SH3BP4: variants seen among roughly 807,000 people sequenced by gnomAD.
SH3BP4 encodes the protein SH3 domain-binding protein 4.
Under a neutral mutation model 65.5 loss-of-function variants are expected in SH3BP4, and 33 were observed. The observed-to-expected ratio is 0.50, with a 90% CI of 0.38 to 0.67. SH3BP4 has a LOEUF of 0.67. Ranked by LOEUF, SH3BP4 falls within the 30% of genes least tolerant of loss-of-function variation. The pLI is 0.00. For missense variants in SH3BP4, 1,134 were observed against 1,261.4 expected (o/e 0.90, Z 1.53); for synonymous variants, 552 against 545.5 (o/e 1.01, Z -0.17).
Position 235,015,539 on chromosome 2 carries a change from G to C in SH3BP4, c.-132-19332G>C, listed in dbSNP as rs141670164. On this transcript the variant is annotated intron_variant, in intron 2 of 5. Coordinates refer to ENST00000392011, the MANE Select transcript of SH3BP4 (RefSeq NM_014521.3). ...CTTAGGCATGACTGCAGGGCTCTGT[G>C]GGGAATGCAAGGATGGTTTGAGTCC... 7.4e-3 allele frequency among the ~76,000 whole-genome samples: 1,128 copies of C among 152,334 alleles called. 11 individuals are homozygous for C. The highest frequency in any genetic ancestry group is 0.024 in the African/African-American group (980 of 41,574).
At chr2:234,961,445 T>C (rs1277328921) in intron 1 of SH3BP4, among the ~76,000 whole-genome samples, 1 of 152,114 alleles carries the variant, frequency 6.6e-6, no homozygotes. Flanking sequence ...CTAATTTTTG[T>C]ATTTTTAGTA....
intron 1 of SH3BP4, among the ~76,000 whole-genome samples, chr2:234,993,360 T>C (rs991388474): frequency 1.3e-5 from 2 of 152,164 alleles, no homozygotes; most frequent in African/African-American, 4.8e-5. Flanking sequence ...TATGACGGCT[T>C]GCGATGGACC....
intron 2 of SH3BP4, among the ~76,000 whole-genome samples, chr2:235,009,322 A>G (rs1388530316): frequency 3.3e-5 from 5 of 152,156 alleles, no homozygotes; most frequent in Admixed American, 6.5e-5. Flanking sequence ...CCAAGGAACA[A>G]AACTCAGAGG....
In SH3BP4 at chr2:235,043,739, T is replaced by A. The variant is rs377540494; in HGVS notation, c.2478+492T>A. On this transcript the variant is annotated intron_variant, in intron 4 of 5. Transcript: ENST00000392011. ...GTGCGGCTCAGCACAGCCTTTCGCCTTCCCAATATGCGTGGGCGTGGGCCG... is the reference window on the plus strand; with the variant it reads ...GTGCGGCTCAGCACAGCCTTTCGCCATCCCAATATGCGTGGGCGTGGGCCG... 4.1e-5 allele frequency among the ~76,000 whole-genome samples: 6 copies of A among 144,976 alleles called. No homozygotes were observed. In the South Asian group the frequency reaches 1.4e-3, roughly 33 times the overall value.
At chr2:235,036,759 GA>G (rs1001952808) in intron 3 of SH3BP4, among the ~76,000 whole-genome samples, 1 of 64,484 alleles carries the variant, frequency 1.6e-5, no homozygotes, top group Non-Finnish European at 2.6e-5. Flanking sequence ...TAATAATAAT[GA>G]CAGTGCTCTG....
intron 1 of SH3BP4, among the ~76,000 whole-genome samples, chr2:234,989,419 A>G (rs910599553): frequency 6.6e-6 from 1 of 152,092 alleles, no homozygotes; most frequent in Non-Finnish European, 1.5e-5. Context: ...CTCCTACCCT[A>G]GCTGGTCTCT....
At chr2:234,954,921 A>G (rs904561258) in intron 1 of SH3BP4, among the ~76,000 whole-genome samples, 2 of 152,162 alleles carry the variant, frequency 1.3e-5, no homozygotes, top group Admixed American at 6.5e-5. Flanking sequence ...CCCTGGCTCC[A>G]GGCAGACCTC....
At chr2:235,032,335 G>T (rs952852412) in intron 2 of SH3BP4, among the ~76,000 whole-genome samples, 1 of 152,232 alleles carries the variant, frequency 6.6e-6, no homozygotes, top group Admixed American at 6.5e-5. Context: ...CACGTGAAAG[G>T]CCACATGGCA....
At chr2:234,970,548 ACT>A (rs774083934) in intron 1 of SH3BP4, among the ~76,000 whole-genome samples, 17 of 152,282 alleles carry the variant, frequency 1.1e-4, no homozygotes, top group Non-Finnish European at 2.2e-4. Flanking sequence ...GGTGTGCATA[ACT>A]CTTTTTATTG....
chr2:234,964,827 A>G (rs1261545237), intron 1 of SH3BP4, among the ~76,000 whole-genome samples: 3 of 152,096 alleles, frequency 2.0e-5, no homozygotes, highest in Non-Finnish European at 4.4e-5. Context: ...TAGACGTGTA[A>G]GCGTGACTTG....
chr2:234,975,694 G>A (rs1427370823), intron 1 of SH3BP4, among the ~76,000 whole-genome samples: 1 of 152,068 alleles, frequency 6.6e-6, no homozygotes, highest in Non-Finnish European at 1.5e-5. Context: ...TGAGCAACAT[G>A]GTGAAACCCC....
intron 1 of SH3BP4, among the ~76,000 whole-genome samples, chr2:234,982,830 C>G (rs1055996186): frequency 6.6e-6 from 1 of 151,624 alleles, no homozygotes; most frequent in Non-Finnish European, 1.5e-5. Flanking sequence ...GCAGAGAACC[C>G]CGAAATGGGG....
At position 235,034,660 on chromosome 2, in the gene SH3BP4, G is replaced by A. The variant is rs948576754; in HGVS notation, c.-132-211G>A. Among the ~76,000 whole-genome samples the A allele has an allele frequency of 1.3e-5, 2 of 152,226 alleles. No individual in the cohort carries two copies. The highest frequency in any genetic ancestry group is 2.4e-5 in the African/African-American group (1 of 41,468). ...GGCCAGAAAACACTGCTTGGGCTGT[G>A]TGTGCCCAGTGTGCCAATGAGACAA... On this transcript the variant is annotated intron_variant, in intron 2 of 5. Transcript: ENST00000392011. The surrounding 1 kb of genome is among the most constrained non-coding windows in gnomAD (Gnocchi z 6.2).
chr2:235,017,845 C>T (rs1056456642), intron 2 of SH3BP4, among the ~76,000 whole-genome samples: 1 of 152,058 alleles, frequency 6.6e-6, no homozygotes, highest in Non-Finnish European at 1.5e-5. Context: ...TTAGGTTGAA[C>T]GACATCAAAT....
At chr2:235,003,579 G>T (rs985501639) in intron 2 of SH3BP4, among the ~76,000 whole-genome samples, 1 of 152,216 alleles carries the variant, frequency 6.6e-6, no homozygotes, top group African/African-American at 2.4e-5. Flanking sequence ...GGGGTGGAGG[G>T]GGTCAAATCT....
At position 235,046,949 on chromosome 2, in the gene SH3BP4, G is replaced by A. The variant is rs1431921329; in HGVS notation, c.2478+3702G>A. Among the ~76,000 whole-genome samples the A allele has an allele frequency of 2.0e-5, 3 of 152,280 alleles. No individual in the cohort carries two copies. The highest frequency in any genetic ancestry group is 1.9e-4 in the East Asian group (1 of 5,178). ...GCCCCTTCCCAGCAGCATGGCTGTGGCTGCACTCAGAGCACCCCTCTGTCC... is the reference window on the plus strand; with the variant it reads ...GCCCCTTCCCAGCAGCATGGCTGTGACTGCACTCAGAGCACCCCTCTGTCC... On this transcript the variant is annotated intron_variant, in intron 4 of 5. Transcript: ENST00000392011. This position sits in a 1 kb window ranked among gnomAD's most constrained non-coding sequence, Gnocchi z 4.2.
At position 235,041,588 on chromosome 2, in the gene SH3BP4, C is replaced by T. The variant is rs1301850300; in HGVS notation, c.819C>T (p.Ala273=). The change falls in exon 4 of 6, where the codon GCC becomes GCT. Residue 273 remains alanine (A), a synonymous_variant. Coordinates refer to ENST00000392011, the MANE Select transcript of SH3BP4 (RefSeq NM_014521.3). This position sits in a 1 kb window ranked among gnomAD's most constrained non-coding sequence, Gnocchi z 6.0. ...SSFFTGLKSP[A]PEQFQSREDF... ...TCTTCACCGGCTTGAAATCACCTGC[C>T]CCCGAGCAATTTCAGAGCCGGGAGG... 6.2e-7 allele frequency: 1 copy of T among 1,613,934 alleles called. No homozygotes were observed. The highest frequency in any genetic ancestry group is 8.5e-7 in the Non-Finnish European group (1 of 1,180,040).
intron 3 of SH3BP4, among the ~76,000 whole-genome samples, chr2:235,038,246 A>AG (rs1695454640): frequency 5.6e-5 from 3 of 53,664 alleles, no homozygotes; most frequent in South Asian, 9.5e-4. Context: ...TTTTATATAT[A>AG]TATTATATAT....
At chr2:235,023,299 C>A (rs554977184) in intron 2 of SH3BP4, among the ~76,000 whole-genome samples, 6 of 152,194 alleles carry the variant, frequency 3.9e-5, no homozygotes, top group Non-Finnish European at 7.3e-5. Flanking sequence ...ATACTCTCAG[C>A]ACTTTGAGAG....
Sources: gnomAD v4.1 joint callset for allele counts (sites outside exome capture counted in the v4.1 genomes callset) on GRCh38, gnomAD v4.1.1 for gene constraint, Gnocchi (gnomAD v3.1) non-coding constraint, MANE v1.5 for transcripts, NCBI Gene and HGNC (gene_info 2026-07-23, HGNC 2026-07-21) for gene names.